Variants in COL6A3 observed in about 807,000 individuals in gnomAD.
COL6A3 encodes collagen type VI alpha 3 chain, also known as collagen alpha-3(VI) chain.
In COL6A3, 137 loss-of-function variants were observed where a neutral mutation model predicts 274.1. The ratio of observed to expected loss-of-function variants is 0.50; its 90% confidence interval spans 0.44 to 0.58. The LOEUF (loss-of-function observed/expected upper bound fraction) is 0.58. Among genes scored for constraint, COL6A3 ranks in the 20% least tolerant of loss-of-function variants. COL6A3 has a pLI of 0.00. For synonymous variants in COL6A3, 1,650 were observed against 1,650.6 expected, an observed-to-expected ratio of 1.00 and a Z score of 0.01; for missense variants, 3,950 against 4,124.9, an observed-to-expected ratio of 0.96 and a Z score of 1.16.
chr2:237,376,720 C>T (rs1174841268), intron 7 of COL6A3, 52 bp downstream of exon 7: 26 of 1,582,822 alleles, frequency 1.6e-5, no homozygotes, highest in Non-Finnish European at 2.2e-5. Flanking sequence ...CTACCCTCAA[C>T]TCATGCATTA....
Position 237,345,502 on chromosome 2 carries a change from C to T in COL6A3, c.7093-289G>A, listed in dbSNP as rs529248064. Among the ~76,000 whole-genome samples, 139 of 152,250 alleles carry T rather than the reference C, an allele frequency of 9.1e-4. 5 individuals carry two copies. The South Asian group carries it at 0.028, about 30-fold the overall frequency. On this transcript the variant is annotated intron_variant, in intron 32 of 43. Coordinates refer to ENST00000295550, the MANE Select transcript of COL6A3 (RefSeq NM_004369.4). ...GTAAAGCCCACGAGTGAACCTGGGT[C>T]TAGATTCTGCTTCTCTTGAGAAAAG...
At chr2:237,328,516 G>T (rs1161659973) in intron 42 of COL6A3, 1 of 152,238 alleles carries the variant, frequency 6.6e-6, no homozygotes, top group Non-Finnish European at 1.5e-5. Flanking sequence ...GGAAGGCTAT[G>T]CATCGGGTCA....
At chr2:237,342,311 G>C (rs919559147) in intron 36 of COL6A3, 150 bp from the exon 37 acceptor site, 32 of 704,400 alleles carry the variant, frequency 4.5e-5, no homozygotes, top group Non-Finnish European at 7.9e-5. Context: ...TTTGGGGGTG[G>C]GGTTAGGCTC....
Position 237,374,931 on chromosome 2 carries a change from C to T in COL6A3, c.3160G>A (p.Val1054Met). The change falls in exon 8 of 44, where the codon GTG becomes ATG. Residue 1054 changes from valine (V) to methionine (M), a missense_variant. By Grantham distance (21) the Val-to-Met change is conservative. Coordinates refer to ENST00000295550, the MANE Select transcript of COL6A3 (RefSeq NM_004369.4). This position sits in a 1 kb window ranked among gnomAD's most constrained non-coding sequence, Gnocchi z 4.8. ...TGGCCCACATCCAGGCTTTCCACCA[C>T]TCTCTGGACAAACTCTTTCAACAGA... ...FPLLKEFVQR[V>M]VESLDVGQDR... 6.2e-7 allele frequency: 1 copy of T among 1,614,028 alleles called. No individual in the cohort carries two copies. Among genetic ancestry groups the T allele is most frequent in the Non-Finnish European group, 8.5e-7 (1 of 1,180,032 alleles).
intron 17 of COL6A3, among the ~76,000 whole-genome samples, chr2:237,359,666 C>T (rs1373106969): frequency 6.6e-6 from 1 of 152,232 alleles, no homozygotes; most frequent in Non-Finnish European, 1.5e-5. Flanking sequence ...TGTAACTTTG[C>T]AGCCCTTCCC....
chr2:237,383,603 A>C (rs2078067493), intron 4 of COL6A3, among the ~76,000 whole-genome samples: 1 of 152,048 alleles, frequency 6.6e-6, no homozygotes, highest in African/African-American at 2.4e-5. Flanking sequence ...TGAATCTACC[A>C]CTCATGTATT....
At chr2:237,338,681 T>C (rs748965999) in intron 39 of COL6A3, among the ~76,000 whole-genome samples, 6 of 152,170 alleles carry the variant, frequency 3.9e-5, no homozygotes, top group Non-Finnish European at 7.4e-5. Context: ...AGCATGAGAA[T>C]TGCTTGAATC....
chr2:237,334,479 G>GCTGAGT, intron 41 of COL6A3, 147 bp downstream of exon 41: 1 of 874,416 alleles, frequency 1.1e-6, no homozygotes, highest in Non-Finnish European at 1.8e-6. Flanking sequence ...AAGCACCCAG[G>GCTGAGT]CTGAGTTGTT....
chr2:237,339,997 C>A (rs1003336034), intron 38 of COL6A3, among the ~76,000 whole-genome samples: 1 of 152,182 alleles, frequency 6.6e-6, no homozygotes, highest in Non-Finnish European at 1.5e-5. Flanking sequence ...GCCCCATGAG[C>A]AAAGACCCAG....
chr2:237,376,775 G>A lies in COL6A3; in HGVS notation c.3067C>T (p.Pro1023Ser), dbSNP rs556864605. The A allele has an allele frequency of 3.7e-6, 6 of 1,614,122 alleles. No individual in the cohort carries two copies. In the East Asian group the frequency reaches 1.1e-4, roughly 30 times the overall value. Residue 1023 changes from proline (P) to serine (S), a missense_variant, in exon 7 of 44, where the codon CCA (proline) becomes TCA (serine). Pro to Ser is a moderately conservative substitution (Grantham distance 74). Around this residue, in one of 5 missense-constraint regions of COL6A3, gnomAD observed 1,934 missense variants for 1,984.3 expected, o/e 0.97. Coordinates refer to ENST00000295550, the MANE Select transcript of COL6A3 (RefSeq NM_004369.4). ...LKSVHNGAPA[P>S]VSGEKDVVFL... ...AACTAGCATTTCTCTACCATACCTGGTGCTGGTGCTCCGTTGTGCACTGAT... is the reference window on the plus strand; with the variant it reads ...AACTAGCATTTCTCTACCATACCTGATGCTGGTGCTCCGTTGTGCACTGAT...
intron 41 of COL6A3, 24 bp downstream of exon 41, chr2:237,334,602 G>T: frequency 1.2e-6 from 2 of 1,611,876 alleles, no homozygotes; most frequent in South Asian, 2.2e-5. Flanking sequence ...ATCAGGTACC[G>T]ACTTGTACTG....
rs1159704617 is a variant in COL6A3 at position 237,334,752 on chromosome 2, T to G, written c.9103A>C (p.Lys3035Gln). The change falls in exon 41 of 44, where the codon AAG becomes CAG. Residue 3035 changes from lysine (K) to glutamine (Q), a missense_variant. By Grantham distance (53) the Lys-to-Gln change is moderately conservative. This residue lies in a region of COL6A3 where 1,284 missense variants were observed against 1,349.7 expected (regional missense o/e 0.95). Transcript: ENST00000295550. ...TSAHDQSLVL[K>Q]QNLTVTDRVI... ...CGGTCCGTGACCGTGAGGTTCTGCT[T>G]CAGAACCAGGGACTGATCATGGGCT... 6.2e-7 allele frequency: 1 copy of G among 1,613,946 alleles called. No individual in the cohort carries two copies. Among genetic ancestry groups the G allele is most frequent in the African/African-American group, 1.3e-5 (1 of 74,884 alleles).
intron 42 of COL6A3, among the ~76,000 whole-genome samples, chr2:237,332,774 T>G (rs1027579997): frequency 5.3e-5 from 8 of 152,220 alleles, no homozygotes; most frequent in Admixed American, 5.2e-4. Flanking sequence ...ATAATCAGTT[T>G]CTCACCGATG....
At chr2:237,394,011 G>A (rs537576676) in intron 3 of COL6A3, among the ~76,000 whole-genome samples, 40 of 152,176 alleles carry the variant, frequency 2.6e-4, no homozygotes, top group Admixed American at 9.2e-4. Context: ...CTCCAGCTCC[G>A]GCTGTCACTA....
rs1413177521 is a variant in COL6A3 at position 237,346,555 on chromosome 2, C to T, written c.7040G>A (p.Gly2347Glu). Residue 2347 changes from glycine (G) to glutamate (E), a missense_variant, in exon 32 of 44, where the codon GGA (glycine) becomes GAA (glutamate). This residue lies in a region of COL6A3 where 1,284 missense variants were observed against 1,349.7 expected (regional missense o/e 0.95). Coordinates refer to ENST00000295550, the MANE Select transcript of COL6A3 (RefSeq NM_004369.4). ...KGIRGRRGNS[G>E]PPGIVGQKGD... is the part of the protein sequence containing the mutation. ...CTTCTGTCCAACTATCCCTGGAGGT[C>T]CCGAATTTCCCTAGAGGGAGCAGAA... 14 of 1,613,686 alleles carry T rather than the reference C, an allele frequency of 8.7e-6. No individual in the cohort carries two copies. The highest frequency in any genetic ancestry group is 1.2e-5 in the Non-Finnish European group (14 of 1,179,816).
intron 1 of COL6A3, among the ~76,000 whole-genome samples, chr2:237,403,112 A>G (rs2078633300): frequency 6.6e-6 from 1 of 152,170 alleles, no homozygotes; most frequent in Non-Finnish European, 1.5e-5. Flanking sequence ...GCTGCCAGTC[A>G]AGGACAGGAG....
chr2:237,362,918 T>C (rs891589688), intron 14 of COL6A3, among the ~76,000 whole-genome samples: 2 of 152,202 alleles, frequency 1.3e-5, no homozygotes, highest in Non-Finnish European at 1.5e-5. Context: ...CAGTTTCCAA[T>C]TGGAGGATGG....
Position 237,387,983 on chromosome 2 carries a change from T to C in COL6A3, c.911A>G (p.Gln304Arg), listed in dbSNP as rs1370564126. Reference protein sequence around the residue: ...FSLDTYSTKAQVLGAVKALGF... With the variant: ...FSLDTYSTKARVLGAVKALGF... ...GAGGGCTTTCACTGCACCCAGAACCTGGGCCTTGGTGGAGTAGGTGTCCAA... is the reference window on the plus strand; with the variant it reads ...GAGGGCTTTCACTGCACCCAGAACCCGGGCCTTGGTGGAGTAGGTGTCCAA... Residue 304 changes from glutamine to arginine, a missense_variant, in exon 4 of 44, where the codon CAG (glutamine) becomes CGG (arginine). Gln to Arg is a conservative substitution (Grantham distance 43, BLOSUM62 1). Around this residue, in one of 5 missense-constraint regions of COL6A3, gnomAD observed 1,934 missense variants for 1,984.3 expected, o/e 0.97. Coordinates refer to ENST00000295550, the MANE Select transcript of COL6A3 (RefSeq NM_004369.4). The C allele has an allele frequency of 2.5e-6, 4 of 1,614,062 alleles. No individual in the cohort carries two copies. The African/African-American group carries it at 5.3e-5, about 22-fold the overall frequency.
chr2:237,337,846 C>T (rs781730965), intron 39 of COL6A3, among the ~76,000 whole-genome samples: 1 of 151,988 alleles, frequency 6.6e-6, no homozygotes, highest in Non-Finnish European at 1.5e-5. Flanking sequence ...GCAGCAGCAT[C>T]GGCATGGGTG....
Sources: gnomAD v4.1 joint callset for allele counts (sites outside exome capture counted in the v4.1 genomes callset) on GRCh38, gnomAD v4.1.1 for gene constraint, gnomAD v4.1.1 regional missense constraint, Gnocchi (gnomAD v3.1) non-coding constraint, MANE v1.5 for transcripts, NCBI Gene and HGNC (gene_info 2026-07-23, HGNC 2026-07-21) for gene names.